HJURP: variants seen among roughly 807,000 people sequenced by gnomAD.
HJURP encodes the protein Holliday junction recognition protein.
A neutral mutation model predicts 72.0 loss-of-function variants in HJURP; 49 were observed. The observed-to-expected ratio is 0.68, with a 90% CI of 0.54 to 0.86. The LOEUF is 0.86. HJURP is among the 40% of genes least tolerant of loss of function. The pLI is 0.00. For synonymous variants in HJURP, 357 were observed against 347.1 expected (o/e 1.03, Z -0.32); for missense variants, 908 against 936.3 (o/e 0.97, Z 0.39).
In HJURP at chr2:233,840,976, G is replaced by C; in HGVS notation, c.1804C>G (p.Pro602Ala). ...CLKSPGQMTV[P>A]LCIGVSTDKA... is the part of the protein sequence containing the mutation. ...TCTGTAGACACTCCAATACATAAAG[G>C]CACTGTCATCTGCCCAGGAGATTTG... Residue 602 changes from proline (P) to alanine (A), a missense_variant, in exon 8 of 9, where the codon CCT becomes GCT. Transcript: ENST00000411486. The C allele has an allele frequency of 6.2e-7, 1 of 1,614,062 alleles. No individual in the cohort carries two copies. The highest frequency in any genetic ancestry group is 1.1e-5 in the South Asian group (1 of 91,076).
At chr2:233,844,855 T>C (rs1705319184) in intron 6 of HJURP, among the ~76,000 whole-genome samples, 1 of 152,236 alleles carries the variant, frequency 6.6e-6, no homozygotes, top group African/African-American at 2.4e-5. Context: ...TATTCTGCAA[T>C]GTGTACTTCC....
At position 233,846,388 on chromosome 2, in the gene HJURP, G is replaced by T. The variant is rs994492306; in HGVS notation, c.403-568C>A. Reference sequence around the variant, plus strand: ...AATCGCTTGAACCCAGGAAGTAGAGGTTGCAGTGAGCTGAGATTGCCCCAC... The same window carrying T: ...AATCGCTTGAACCCAGGAAGTAGAGTTTGCAGTGAGCTGAGATTGCCCCAC... On this transcript the variant is annotated intron_variant, in intron 5 of 8. Transcript: ENST00000411486. This position sits in a 1 kb window ranked among gnomAD's most constrained non-coding sequence, Gnocchi z 4.3. Among the ~76,000 whole-genome samples, 2 of 152,172 alleles carry T rather than the reference G, an allele frequency of 1.3e-5. No individual in the cohort carries two copies. Among genetic ancestry groups the T allele is most frequent in the African/African-American group, 4.8e-5 (2 of 41,432 alleles).
At chr2:233,840,566 G>C in intron 8 of HJURP, 43 bp downstream of exon 8, 1 of 1,524,618 alleles carries the variant, frequency 6.6e-7, no homozygotes, top group Non-Finnish European at 8.8e-7. Context: ...CCAAAGAGCA[G>C]TCACTCACAT....
chr2:233,850,921 C>G (rs1009289936), intron 3 of HJURP, among the ~76,000 whole-genome samples: 1 of 152,208 alleles, frequency 6.6e-6, no homozygotes, highest in South Asian at 2.1e-4. Flanking sequence ...ACAGCCTCCC[C>G]CAGCCTCCAG....
chr2:233,842,267 A>G (rs1705252947), intron 7 of HJURP, 62 bp from the exon 8 acceptor site: 1 of 1,391,498 alleles, frequency 7.2e-7, no homozygotes. Context: ...CCATGTGCAC[A>G]GATGACAGAA....
chr2:233,853,627 C>T lies in HJURP; in HGVS notation c.184+217G>A, dbSNP rs557270518. Among the ~76,000 whole-genome samples the T allele has an allele frequency of 5.9e-5, 9 of 152,326 alleles. No individual in the cohort carries two copies. In the East Asian group the frequency reaches 1.7e-3, roughly 29 times the overall value. On this transcript the variant is annotated intron_variant, in intron 2 of 8. Coordinates refer to ENST00000411486, the MANE Select transcript of HJURP (RefSeq NM_018410.5). ...GAGGTGGCCAGCGGGGATGCCAACC[C>T]GGTAAGCCGGAGGCATGTGAGCCAG...
Position 233,852,631 on chromosome 2 carries a change from G to T in HJURP, c.185-11C>A, listed in dbSNP as rs1705522588. Reference sequence around the variant, plus strand: ...CCCAAATTCTCAATCCTGAAGAAAAGAAACAAAAATGACCATTTACATAAT... The same window carrying T: ...CCCAAATTCTCAATCCTGAAGAAAATAAACAAAAATGACCATTTACATAAT... On this transcript the variant is annotated splice_polypyrimidine_tract_variant and intron_variant, in intron 2 of 8. Coordinates refer to ENST00000411486, the MANE Select transcript of HJURP (RefSeq NM_018410.5). 6.3e-7 allele frequency: 1 copy of T among 1,592,146 alleles called. No homozygotes were observed. Among genetic ancestry groups the T allele is most frequent in the Non-Finnish European group, 8.6e-7 (1 of 1,160,162 alleles).
In HJURP at chr2:233,849,803, C is replaced by G. The variant is rs577062667; in HGVS notation, c.297G>C (p.Trp99Cys). The change falls in exon 4 of 9, where the codon TGG becomes TGC. Residue 99 changes from tryptophan to cysteine, a missense_variant. This residue lies in a region of HJURP where 299 missense variants were observed against 286.7 expected (regional missense o/e 1.04). Coordinates refer to ENST00000411486, the MANE Select transcript of HJURP (RefSeq NM_018410.5). The part of the protein sequence containing the change: ...RTDGSVQAAA[W>C]GPELPSHRTV... Reference sequence around the variant, plus strand: ...TGCGGTGCGAGGGAAGCTCAGGACCCCAGGCTGCAGCTTGCACGGAGCCAT... The same window carrying G: ...TGCGGTGCGAGGGAAGCTCAGGACCGCAGGCTGCAGCTTGCACGGAGCCAT... 1.5e-5 allele frequency: 23 copies of G among 1,555,342 alleles called. No individual in the cohort carries two copies. In the South Asian group the frequency reaches 2.5e-4, roughly 17 times the overall value.
At chr2:233,839,456 GC>G (rs1705162462) in intron 8 of HJURP, among the ~76,000 whole-genome samples, 1 of 152,236 alleles carries the variant, frequency 6.6e-6, no homozygotes, top group Admixed American at 6.5e-5. Context: ...GGAGCAGGTG[GC>G]CCTGAGCAGT....
chr2:233,852,518 C>G (rs1705518660), intron 3 of HJURP, 47 bp downstream of exon 3: 2 of 1,390,034 alleles, frequency 1.4e-6, no homozygotes, highest in Non-Finnish European at 2.1e-6. Context: ...CATATGAATA[C>G]TCCTCCACAG....
chr2:233,840,813 A>C lies in HJURP; in HGVS notation c.1967T>G (p.Ile656Ser). The C allele has an allele frequency of 6.2e-7, 1 of 1,613,624 alleles. No homozygotes were observed. Among genetic ancestry groups the C allele is most frequent in the Non-Finnish European group, 8.5e-7 (1 of 1,179,884 alleles). The part of the protein sequence containing the change: ...CRKSLLGSTA[I>S]EAPSSTCVAR... ...AACACATGTAGATGAAGGAGCCTCAATTGCAGTTGAGCCCAGTAGACTTTT... is the reference window on the plus strand; with the variant it reads ...AACACATGTAGATGAAGGAGCCTCACTTGCAGTTGAGCCCAGTAGACTTTT... The change falls in exon 8 of 9, where the codon ATT (isoleucine) becomes AGT (serine). Residue 656 changes from isoleucine (I) to serine (S), a missense_variant. Coordinates refer to ENST00000411486, the MANE Select transcript of HJURP (RefSeq NM_018410.5).
intron 3 of HJURP, among the ~76,000 whole-genome samples, chr2:233,850,516 A>G (rs936170966): frequency 5.3e-5 from 8 of 152,160 alleles, no homozygotes; most frequent in East Asian, 1.9e-4. Flanking sequence ...CATTCAGGAT[A>G]CCAGATTGGC....
chr2:233,850,227 G>A (rs1705466860), intron 3 of HJURP, among the ~76,000 whole-genome samples: 1 of 152,236 alleles, frequency 6.6e-6, no homozygotes, highest in Non-Finnish European at 1.5e-5. Flanking sequence ...GGTCATCAGC[G>A]AGAACAGAGA....
rs771206660 is a variant in HJURP at position 233,844,186 on chromosome 2, G to A, written c.574+19C>T. On this transcript the variant is annotated intron_variant, in intron 7 of 8. Coordinates refer to ENST00000411486, the MANE Select transcript of HJURP (RefSeq NM_018410.5). ...GAAGGAAACACGCACTGTTCATACA[G>A]TTTCTATGTCACACTCACCGGGGGC... 3.1e-6 allele frequency: 5 copies of A among 1,611,166 alleles called. No individual in the cohort carries two copies. In the Admixed American group the frequency reaches 8.3e-5, roughly 27 times the overall value.
At chr2:233,842,307 T>C (rs1705253839) in intron 7 of HJURP, 102 bp from the exon 8 acceptor site, 1 of 1,008,046 alleles carries the variant, frequency 9.9e-7, no homozygotes, top group African/African-American at 1.6e-5. Flanking sequence ...TATGTTTTTT[T>C]AAGCAATAGC....
In HJURP at chr2:233,842,044, T is replaced by A. The variant is rs781487944; in HGVS notation, c.736A>T (p.Ser246Cys). ...LQETSSSSFL[S>C]SQPFEDDDIC... Reference sequence around the variant, plus strand: ...TCATCATCTTCAAAGGGCTGGCTGCTTAAGAAGCTGCTGCTACTGGTCTCT... The same window carrying A: ...TCATCATCTTCAAAGGGCTGGCTGCATAAGAAGCTGCTGCTACTGGTCTCT... Residue 246 changes from serine (S) to cysteine (C), a missense_variant, in exon 8 of 9, where the codon AGC becomes TGC. Physicochemically the swap from Ser to Cys is moderately radical, Grantham distance 112. This residue lies in a region of HJURP where 11 missense variants were observed against 30.1 expected (regional missense o/e 0.37). Coordinates refer to ENST00000411486, the MANE Select transcript of HJURP (RefSeq NM_018410.5). The A allele has an allele frequency of 1.2e-6, 2 of 1,614,230 alleles. No homozygotes were observed. The highest frequency in any genetic ancestry group is 2.2e-5 in the South Asian group (2 of 91,088).
Position 233,840,755 on chromosome 2 carries a change from GTCCCTCGTGCCA to G in HJURP, c.2013_2024del (p.Gly672_Asp675del), listed in dbSNP as rs767162725. The G allele has an allele frequency of 5.6e-6, 9 of 1,613,874 alleles. No individual in the cohort carries two copies. The highest frequency in any genetic ancestry group is 7.6e-6 in the Non-Finnish European group (9 of 1,179,954). On this transcript the variant is annotated inframe_deletion, in exon 8 of 9. Transcript: ENST00000411486. ...TGGGTCTTTTTGCAGGGAACTGATG[GTCCCTCGTGCCA>G]TCCCTCGTGATGGCACGAGCAACAC...
rs1266514159 is a variant in HJURP at position 233,842,221 on chromosome 2, C to T, written c.575-16G>A. On this transcript the variant is annotated splice_polypyrimidine_tract_variant and intron_variant, in intron 7 of 8. Coordinates refer to ENST00000411486, the MANE Select transcript of HJURP (RefSeq NM_018410.5). ...CTGCAGTATCCTGGGAGAAAAGATA[C>T]ACATAAAGTAAAGGTGTGTTACCAT... 3.2e-6 allele frequency: 5 copies of T among 1,583,814 alleles called. No individual in the cohort carries two copies. Among genetic ancestry groups the T allele is most frequent in the South Asian group, 1.2e-5 (1 of 85,518 alleles).
chr2:233,837,395 C>A lies in HJURP; in HGVS notation c.*182G>T. 1.9e-6 allele frequency: 1 copy of A among 521,660 alleles called. No homozygotes were observed. Among genetic ancestry groups the A allele is most frequent in the South Asian group, 2.5e-5 (1 of 39,608 alleles). 32.3% of individuals were successfully genotyped at this position (521,660 alleles called of 1,614,324 possible). A position where few individuals can be genotyped will look rare whatever the true frequency, so the allele number is the denominator to read the frequency against. ...AACCCTAAAAATTCTAATTGAGCAA[C>A]TTTATTCACATAATTTCTACACCAA... On this transcript the variant is annotated 3_prime_UTR_variant, in exon 9 of 9. Transcript: ENST00000411486.
Sources: gnomAD v4.1 joint callset for allele counts (sites outside exome capture counted in the v4.1 genomes callset) on GRCh38, gnomAD v4.1.1 for gene constraint, gnomAD v4.1.1 regional missense constraint, Gnocchi (gnomAD v3.1) non-coding constraint, MANE v1.5 for transcripts, NCBI Gene and HGNC (gene_info 2026-07-23, HGNC 2026-07-21) for gene names.